Variants in LATS1 observed in about 807,000 individuals in gnomAD.
The protein encoded by LATS1 is serine/threonine-protein kinase LATS1.
In LATS1, 25 loss-of-function variants were observed where a neutral mutation model predicts 106.6. The ratio of observed to expected loss-of-function variants is 0.23; its 90% CI spans 0.17 to 0.33. The LOEUF (loss-of-function observed/expected upper bound fraction) is 0.33, where lower values mean the gene tolerates loss of function less well. Ranked by LOEUF, LATS1 falls within the 10% of genes least tolerant of loss-of-function variation. The pLI, the probability that LATS1 is intolerant of heterozygous loss-of-function variation, is 1.00. For missense variants in LATS1, 1,040 were observed against 1,382.6 expected, an observed-to-expected ratio of 0.75 and a Z score of 3.93; for synonymous variants, 465 against 455.6, an observed-to-expected ratio of 1.02 and a Z score of -0.26.
rs1007724944 is a variant in LATS1, at chr6:149,660,180, G to A, written c.*1549C>T. Reference sequence around the variant, plus strand: ...TGTGTGGTTTTTTTTTCTAGGAAGAGTCCACAGCTTCCTTCAGATTCTCAA... The same window carrying A: ...TGTGTGGTTTTTTTTTCTAGGAAGAATCCACAGCTTCCTTCAGATTCTCAA... On this transcript the variant is annotated 3_prime_UTR_variant, in exon 8 of 8. Coordinates refer to ENST00000543571, the MANE Select transcript of LATS1 (RefSeq NM_004690.4). 1 of 232,574 alleles carries A rather than the reference G, an allele frequency of 4.3e-6. No homozygotes were observed. Among genetic ancestry groups the A allele is most frequent in the Non-Finnish European group, 8.5e-6 (1 of 117,720 alleles). The allele number at this position is 232,574 out of a possible 1,614,324, so 14.4% of individuals were successfully genotyped here.
chr6:149,660,739 C>T lies in LATS1; in HGVS notation c.*990G>A, dbSNP rs891556649. The T allele has an allele frequency of 1.2e-4, 28 of 227,760 alleles. No individual in the cohort carries two copies. Among genetic ancestry groups the T allele is most frequent in the South Asian group, 1.8e-4 (1 of 5,490 alleles). 14.1% of individuals were successfully genotyped at this position (227,760 alleles called of 1,614,324 possible). ...TGGCCATCTTAAGAGTTAATTTTTTCACCAATTAATCTGCGCTTAGGTAAA... is the reference window on the plus strand; with the variant it reads ...TGGCCATCTTAAGAGTTAATTTTTTTACCAATTAATCTGCGCTTAGGTAAA... On this transcript the variant is annotated 3_prime_UTR_variant, in exon 8 of 8. Transcript: ENST00000543571.
chr6:149,690,213 CTTT>C (rs201743580), intron 3 of LATS1, among the ~76,000 whole-genome samples: 3 of 125,458 alleles, frequency 2.4e-5, no homozygotes, highest in African/African-American at 3.0e-5. Context: ...TTCTTTTTTT[CTTT>C]TTTTTTTTTT....
chr6:149,689,596 C>T lies in LATS1; in HGVS notation c.497-5004G>A, dbSNP rs147497898. On this transcript the variant is annotated intron_variant, in intron 3 of 7. Coordinates refer to ENST00000543571, the MANE Select transcript of LATS1 (RefSeq NM_004690.4). Reference sequence around the variant, plus strand: ...ACTATAATTCAAGATCAGCATCCTTCAATGGCCTCAGCACCACCAGGAAAC... The same window carrying T: ...ACTATAATTCAAGATCAGCATCCTTTAATGGCCTCAGCACCACCAGGAAAC... Among the ~76,000 whole-genome samples the T allele has an allele frequency of 7.3e-3, 1,115 of 152,284 alleles. 22 individuals carry two copies. Among genetic ancestry groups the T allele is most frequent in the African/African-American group, 0.026 (1,082 of 41,554 alleles).
At chr6:149,668,299 C>T (rs1043490272) in intron 7 of LATS1, among the ~76,000 whole-genome samples, 2 of 152,040 alleles carry the variant, frequency 1.3e-5, no homozygotes, top group Non-Finnish European at 2.9e-5. Flanking sequence ...TGTCAACACA[C>T]TTGCTCTAAA....
chr6:149,674,479 C>T (rs148033960), intron 7 of LATS1, among the ~76,000 whole-genome samples: 1 of 152,198 alleles, frequency 6.6e-6, no homozygotes, highest in Non-Finnish European at 1.5e-5. Context: ...TCCAGTGACC[C>T]TCCAACCTTA....
intron 3 of LATS1, among the ~76,000 whole-genome samples, chr6:149,694,833 T>C (rs1416981118): frequency 6.6e-6 from 1 of 152,222 alleles, no homozygotes; most frequent in African/African-American, 2.4e-5. Flanking sequence ...AGCTGCAGTA[T>C]TACCAATCAA....
At chr6:149,678,708 T>C (rs968022023) in intron 5 of LATS1, among the ~76,000 whole-genome samples, 2 of 152,196 alleles carry the variant, frequency 1.3e-5, no homozygotes, top group Non-Finnish European at 2.9e-5. Context: ...GGAGGGATCT[T>C]GGTGAGGCAG....
rs201313126 is a variant in LATS1 at position 149,684,582 on chromosome 6, C to T, written c.507G>A (p.Gln169=). Residue 169 remains glutamine (Q), a synonymous_variant, in exon 4 of 8, where the codon CAG becomes CAA. Transcript: ENST00000543571. ...AGCTCTGTTTGCGGTTAACTGATTG[C>T]TGCACATTCCCTATGGTTATAAGAG... The part of the protein sequence containing the change: ...INASMKPGNV[Q]QSVNRKQSWK... 11 of 1,592,352 alleles carry T rather than the reference C, an allele frequency of 6.9e-6. No individual in the cohort carries two copies. Among genetic ancestry groups the T allele is most frequent in the Middle Eastern group, 1.7e-4 (1 of 5,960 alleles).
At chr6:149,678,520 G>A (rs947711173) in intron 5 of LATS1, among the ~76,000 whole-genome samples, 4 of 152,140 alleles carry the variant, frequency 2.6e-5, no homozygotes, top group African/African-American at 9.7e-5. Context: ...CATTAAAGTA[G>A]GTTCAATTGT....
chr6:149,716,745 G>A (rs1582943170), intron 1 of LATS1, among the ~76,000 whole-genome samples: 1 of 152,096 alleles, frequency 6.6e-6, no homozygotes, highest in Non-Finnish European at 1.5e-5. Flanking sequence ...TGCAGTAGCA[G>A]CCAATTGGAC....
Position 149,683,114 on chromosome 6 carries a change from G to C in LATS1, c.1975C>G (p.His659Asp). 5 of 1,613,122 alleles carry C rather than the reference G, an allele frequency of 3.1e-6. No individual in the cohort carries two copies. The highest frequency in any genetic ancestry group is 4.2e-6 in the Non-Finnish European group (5 of 1,179,574). Residue 659 changes from histidine to aspartate, a missense_variant, in exon 4 of 8, where the codon CAT becomes GAT. Physicochemically the swap from His to Asp is moderately conservative, Grantham distance 81 (BLOSUM62 -1). Transcript: ENST00000543571. ...NVLKSHQQRL[H>D]RKKQLENEMM... ...TCATTCTCTAATTGTTTTTTACGAT[G>C]TAGACGCTGCTGATGAGATTTGAGT... is the stretch of plus-strand genomic sequence containing the variant.
In LATS1 at chr6:149,658,940, T is replaced by G. The variant is rs954259179; in HGVS notation, c.*2789A>C. On this transcript the variant is annotated 3_prime_UTR_variant, in exon 8 of 8. Coordinates refer to ENST00000543571, the MANE Select transcript of LATS1 (RefSeq NM_004690.4). The stretch of plus-strand genomic sequence containing the variant: ...AAGAAAATTATTTTAAAAGAAAACA[T>G]ATAGAACCAATGTTTTCACTCCATT... The G allele has an allele frequency of 6.6e-6, 1 of 152,132 alleles. No homozygotes were observed. Among genetic ancestry groups the G allele is most frequent in the Non-Finnish European group, 1.5e-5 (1 of 67,996 alleles). 9.4% of individuals were successfully genotyped at this position (152,132 alleles called of 1,614,324 possible).
chr6:149,707,348 T>C (rs1046606869), intron 1 of LATS1, among the ~76,000 whole-genome samples: 26 of 152,040 alleles, frequency 1.7e-4, no homozygotes, highest in Non-Finnish European at 2.1e-4. Context: ...CATGGGGAAT[T>C]ATGAGAAGAC....
chr6:149,669,325 G>C (rs1562319998), intron 7 of LATS1, among the ~76,000 whole-genome samples: 1 of 151,632 alleles, frequency 6.6e-6, no homozygotes, highest in Non-Finnish European at 1.5e-5. Flanking sequence ...AGTAGAGACG[G>C]GGTTTCACCG....
Position 149,660,042 on chromosome 6 carries a change from T to C in LATS1, c.*1687A>G. 1 of 232,580 alleles carries C rather than the reference T, an allele frequency of 4.3e-6. No individual in the cohort carries two copies. Among genetic ancestry groups the C allele is most frequent in the Non-Finnish European group, 8.5e-6 (1 of 117,670 alleles). 14.4% of individuals were successfully genotyped at this position (232,580 alleles called of 1,614,324 possible). A position where few individuals can be genotyped will look rare whatever the true frequency, so the allele number is the denominator to read the frequency against. ...GTGATTGGTAAGTTAAAAACAAAGTTCTTAGTTTAATGTATCAATTTTCTC... is the reference window on the plus strand; with the variant it reads ...GTGATTGGTAAGTTAAAAACAAAGTCCTTAGTTTAATGTATCAATTTTCTC... On this transcript the variant is annotated 3_prime_UTR_variant, in exon 8 of 8. Transcript: ENST00000543571.
intron 3 of LATS1, among the ~76,000 whole-genome samples, chr6:149,691,932 T>C (rs1343764140): frequency 6.6e-6 from 1 of 152,174 alleles, no homozygotes; most frequent in African/African-American, 2.4e-5. Context: ...ACGCACCATA[T>C]GTAATCTATT....
At chr6:149,698,209 C>T (rs542810444) in intron 2 of LATS1, among the ~76,000 whole-genome samples, 21 of 151,260 alleles carry the variant, frequency 1.4e-4, no homozygotes, top group African/African-American at 3.4e-4. Context: ...TGAAAAAGAA[C>T]GCTCAAATCA....
intron 2 of LATS1, among the ~76,000 whole-genome samples, chr6:149,695,637 T>C (rs1783017714): frequency 6.7e-6 from 1 of 149,824 alleles, no homozygotes; most frequent in South Asian, 2.1e-4. Flanking sequence ...AGATGACCAC[T>C]GTATTCCAGC....
intron 2 of LATS1, among the ~76,000 whole-genome samples, chr6:149,699,747 C>T (rs543198685): frequency 2.0e-5 from 3 of 152,238 alleles, no homozygotes; most frequent in African/African-American, 7.2e-5. Context: ...TTAGAAAGAA[C>T]TTTTAATTAC....
Sources: gnomAD v4.1 joint callset for allele counts (sites outside exome capture counted in the v4.1 genomes callset) on GRCh38, gnomAD v4.1.1 for gene constraint, MANE v1.5 for transcripts, NCBI Gene and HGNC (gene_info 2026-07-23, HGNC 2026-07-21) for gene names.